The following CNGA3 variants were observed in gnomAD, a reference collection of about 807,000 sequenced individuals.
CNGA3 encodes cyclic nucleotide-gated channel alpha-3.
A neutral mutation model predicts 46.6 loss-of-function variants in CNGA3; 42 were observed. That is an observed-to-expected ratio of 0.90 (90% CI 0.70 to 1.17). The LOEUF is 1.17. CNGA3 is among the 50% of genes most tolerant of loss of function. CNGA3 has a pLI of 0.00. For missense variants in CNGA3, 893 were observed against 890.7 expected (o/e 1.00, Z -0.03); for synonymous variants, 394 against 369.4 (o/e 1.07, Z -0.76).
rs1352758045 is a variant in CNGA3 at position 98,387,629 on chromosome 2, C to T, written c.450-2029C>T. On this transcript the variant is annotated intron_variant, in intron 5 of 7. Coordinates refer to ENST00000272602, the MANE Select transcript of CNGA3 (RefSeq NM_001298.3). ...TGCAGTCACAGGACCATCCTGCGGACGCTGCCTGAACCGTCTCGCAGCCCA... is the reference window on the plus strand; with the variant it reads ...TGCAGTCACAGGACCATCCTGCGGATGCTGCCTGAACCGTCTCGCAGCCCA... Among the ~76,000 whole-genome samples, 33 of 152,330 alleles carry T rather than the reference C, an allele frequency of 2.2e-4. 1 individual carries two copies. Among genetic ancestry groups the T allele is most frequent in the Non-Finnish European group, 7.3e-5 (5 of 68,038 alleles).
chr2:98,391,738 C>G, intron 6 of CNGA3, 126 bp from the exon 7 acceptor site: 2 of 844,576 alleles, frequency 2.4e-6, no homozygotes, highest in Non-Finnish European at 4.0e-6. Context: ...GTAGTGACAC[C>G]GCAGGCAGGG....
At chr2:98,389,511 C>G in intron 5 of CNGA3, 147 bp from the exon 6 acceptor site, 3 of 754,754 alleles carry the variant, frequency 4.0e-6, no homozygotes, top group Non-Finnish European at 7.2e-6. Flanking sequence ...CAGGGACTCC[C>G]CATGTGACTC....
At position 98,346,469 on chromosome 2, in the gene CNGA3, G is replaced by C. The variant is rs1691624175; in HGVS notation, c.-103G>C. ...GAGGGAGCGAGCGGAACTGCGCCTAGGAGGCCGAGGGAGGAGGCGCTCCGC... is the reference window on the plus strand; with the variant it reads ...GAGGGAGCGAGCGGAACTGCGCCTACGAGGCCGAGGGAGGAGGCGCTCCGC... On this transcript the variant is annotated 5_prime_UTR_variant, in exon 1 of 8. Coordinates refer to ENST00000272602, the MANE Select transcript of CNGA3 (RefSeq NM_001298.3). 1 of 398,484 alleles carries C rather than the reference G, an allele frequency of 2.5e-6. No homozygotes were observed. Among genetic ancestry groups the C allele is most frequent in the African/African-American group, 2.1e-5 (1 of 48,620 alleles). 24.7% of individuals were successfully genotyped at this position (398,484 alleles called of 1,614,324 possible).
At chr2:98,365,544 A>G (rs893269367) in intron 1 of CNGA3, among the ~76,000 whole-genome samples, 15 of 152,126 alleles carry the variant, frequency 9.9e-5, no homozygotes, top group African/African-American at 3.1e-4. Flanking sequence ...AGGTACCCCA[A>G]TCAGTCATAG....
At chr2:98,379,990 G>T in intron 3 of CNGA3, 185 bp from the exon 4 acceptor site, 1 of 676,592 alleles carries the variant, frequency 1.5e-6, no homozygotes, top group Middle Eastern at 4.0e-4. Flanking sequence ...GTCCCCATGG[G>T]GCAGAGATGC....
At chr2:98,378,750 G>A (rs1265553921) in intron 3 of CNGA3, among the ~76,000 whole-genome samples, 2 of 152,192 alleles carry the variant, frequency 1.3e-5, no homozygotes, top group Non-Finnish European at 2.9e-5. Context: ...GCTGATACAG[G>A]GTGTGTTGTA....
At chr2:98,361,704 C>CT (rs1230449113) in intron 1 of CNGA3, among the ~76,000 whole-genome samples, 8,948 of 108,890 alleles carry the variant, frequency 0.082, 623 homozygotes, top group African/African-American at 0.097. Context: ...CTTTTCTTGA[C>CT]TTTTTTTTTT....
intron 5 of CNGA3, 145 bp from the exon 6 acceptor site, chr2:98,389,513 A>C (rs1027576698): frequency 2.6e-6 from 2 of 758,674 alleles, no homozygotes; most frequent in Non-Finnish European, 4.8e-6. Flanking sequence ...GGGACTCCCC[A>C]TGTGACTCCC....
intron 6 of CNGA3, among the ~76,000 whole-genome samples, chr2:98,390,209 A>C (rs1388959521): frequency 6.6e-6 from 1 of 151,258 alleles, no homozygotes; most frequent in East Asian, 1.9e-4. Context: ...GATCTCAGCT[A>C]ACTGCAACCT....
intron 3 of CNGA3, 177 bp from the exon 4 acceptor site, chr2:98,379,998 T>A: frequency 2.8e-6 from 2 of 708,332 alleles, no homozygotes; most frequent in Non-Finnish European, 4.8e-6. Flanking sequence ...GGGGCAGAGA[T>A]GCAAACTTAG....
chr2:98,384,497 T>A (rs1401313349), intron 5 of CNGA3, among the ~76,000 whole-genome samples: 1 of 152,242 alleles, frequency 6.6e-6, no homozygotes, highest in African/African-American at 2.4e-5. Flanking sequence ...GTTCCTCAGC[T>A]AGAACTTTTT....
At chr2:98,358,863 G>T (rs1291450376) in intron 1 of CNGA3, among the ~76,000 whole-genome samples, 1 of 152,162 alleles carries the variant, frequency 6.6e-6, no homozygotes, top group Non-Finnish European at 1.5e-5. Context: ...AGAATTAAAA[G>T]GGAAACTTGG....
At chr2:98,384,758 A>G (rs1692617036) in intron 5 of CNGA3, among the ~76,000 whole-genome samples, 1 of 152,164 alleles carries the variant, frequency 6.6e-6, no homozygotes, top group Non-Finnish European at 1.5e-5. Flanking sequence ...GTTTCTAGGC[A>G]TCTTTGTCCT....
At chr2:98,348,084 C>T (rs138990398) in intron 1 of CNGA3, among the ~76,000 whole-genome samples, 20 of 152,334 alleles carry the variant, frequency 1.3e-4, no homozygotes, top group African/African-American at 4.6e-4. Flanking sequence ...TGGGATTTCA[C>T]TAAGCTGGTG....
At chr2:98,354,303 C>T (rs1040963644) in intron 1 of CNGA3, among the ~76,000 whole-genome samples, 11 of 152,002 alleles carry the variant, frequency 7.2e-5, no homozygotes, top group African/African-American at 2.7e-4. Context: ...ATGAGAGGGC[C>T]AACTGTAGTA....
chr2:98,386,596 G>A (rs939370356), intron 5 of CNGA3, among the ~76,000 whole-genome samples: 14 of 152,204 alleles, frequency 9.2e-5, no homozygotes, highest in South Asian at 2.1e-4. Context: ...ACCCACCCTC[G>A]GGTATGCCTT....
intron 1 of CNGA3, among the ~76,000 whole-genome samples, chr2:98,367,480 T>C (rs896347940): frequency 1.3e-5 from 2 of 152,122 alleles, no homozygotes; most frequent in South Asian, 4.1e-4. Flanking sequence ...GGGCGTGAGC[T>C]ACCCCGCCCG....
At chr2:98,367,217 C>T (rs549021153) in intron 1 of CNGA3, among the ~76,000 whole-genome samples, 4 of 130,776 alleles carry the variant, frequency 3.1e-5, no homozygotes, top group East Asian at 2.2e-4. Context: ...GACAGAGTCT[C>T]ACTGTGTCCC....
At chr2:98,376,150 C>T (rs190292815) in intron 2 of CNGA3, among the ~76,000 whole-genome samples, 1 of 152,280 alleles carries the variant, frequency 6.6e-6, no homozygotes, top group African/African-American at 2.4e-5. Context: ...AAGCCGGGGT[C>T]CTCTGGCTGG....
Sources: gnomAD v4.1 joint callset for allele counts (sites outside exome capture counted in the v4.1 genomes callset) on GRCh38, gnomAD v4.1.1 for gene constraint, MANE v1.5 for transcripts, NCBI Gene and HGNC (gene_info 2026-07-23, HGNC 2026-07-21) for gene names.